SPAG17: variants seen among roughly 807,000 people sequenced by gnomAD.
SPAG17 encodes sperm associated antigen 17, also known as sperm-associated antigen 17.
Under a neutral mutation model 273.6 loss-of-function variants are expected in SPAG17, and 169 were observed. The observed-to-expected ratio is 0.62, with a 90% confidence interval of 0.55 to 0.70. The LOEUF is 0.70. Among genes scored for constraint, SPAG17 ranks in the 30% least tolerant of loss-of-function variants. SPAG17 has a pLI of 0.00. For missense variants in SPAG17, 2,557 were observed against 2,627.8 expected, an observed-to-expected ratio of 0.97 and a Z score of 0.59; for synonymous variants, 825 against 873.2, an observed-to-expected ratio of 0.94 and a Z score of 0.97.
At chr1:118,174,461 T>C (rs1210500697) in intron 1 of SPAG17, among the ~76,000 whole-genome samples, 1 of 151,974 alleles carries the variant, frequency 6.6e-6, no homozygotes, top group African/African-American at 2.4e-5. Flanking sequence ...AAGAAAAGTA[T>C]ATAGAGCAAA....
At chr1:118,034,491 C>T (rs1227938679) in intron 24 of SPAG17, among the ~76,000 whole-genome samples, 1 of 152,210 alleles carries the variant, frequency 6.6e-6, no homozygotes, top group Non-Finnish European at 1.5e-5. Context: ...TTCTCACTCA[C>T]CTCCAAAGAC....
chr1:118,030,609 A>G (rs2101879287), intron 25 of SPAG17, among the ~76,000 whole-genome samples: 1 of 152,160 alleles, frequency 6.6e-6, no homozygotes, highest in Admixed American at 6.5e-5. Flanking sequence ...ACCCCCTGAC[A>G]GGCCCCAGTG....
chr1:118,133,654 A>G (rs1658178703), intron 3 of SPAG17, among the ~76,000 whole-genome samples: 2 of 152,148 alleles, frequency 1.3e-5, no homozygotes. Flanking sequence ...CCATTGCCAC[A>G]GCCCTTGTTC....
At chr1:118,184,771 G>C (rs1661106545) in intron 1 of SPAG17, among the ~76,000 whole-genome samples, 1 of 152,186 alleles carries the variant, frequency 6.6e-6, no homozygotes, top group African/African-American at 2.4e-5. Flanking sequence ...TACAATTGTG[G>C]AGTGCCATCT....
In SPAG17 at chr1:117,984,666, T is replaced by G; in HGVS notation, c.5769+17A>C. The G allele has an allele frequency of 6.8e-7, 1 of 1,465,340 alleles. No homozygotes were observed. Among genetic ancestry groups the G allele is most frequent in the Non-Finnish European group, 9.5e-7 (1 of 1,054,534 alleles). 90.8% of individuals were successfully genotyped at this position (1,465,340 alleles called of 1,614,324 possible). A position where few individuals can be genotyped will look rare whatever the true frequency, so the allele number is the denominator to read the frequency against. On this transcript the variant is annotated intron_variant, in intron 41 of 48. Coordinates refer to ENST00000336338, the MANE Select transcript of SPAG17 (RefSeq NM_206996.4). The stretch of plus-strand genomic sequence containing the variant: ...ATAAAAACTTTTATTAGATTATAGT[T>G]CATTATATTCAATTACCTGAGACTG...
At chr1:118,138,077 T>C (rs1414368617) in intron 3 of SPAG17, among the ~76,000 whole-genome samples, 1 of 152,202 alleles carries the variant, frequency 6.6e-6, no homozygotes, top group African/African-American at 2.4e-5. Flanking sequence ...TCCTTTCCAA[T>C]ATACTCTGTC....
At chr1:117,954,604 C>A in intron 48 of SPAG17, 1 of 1,612,530 alleles carries the variant, frequency 6.2e-7, no homozygotes. Flanking sequence ...CAACCCCATC[C>A]TAATGGCTTA....
chr1:118,061,455 G>A (rs190216180), intron 18 of SPAG17, among the ~76,000 whole-genome samples: 6 of 152,288 alleles, frequency 3.9e-5, no homozygotes, highest in Non-Finnish European at 7.4e-5. Context: ...ACAAATACCG[G>A]CTGATTCCAC....
chr1:118,042,386 G>A (rs754968834), intron 20 of SPAG17, among the ~76,000 whole-genome samples: 17 of 152,106 alleles, frequency 1.1e-4, no homozygotes, highest in South Asian at 2.1e-4. Context: ...ACATGAGTCC[G>A]ATCTTTAATT....
intron 18 of SPAG17, among the ~76,000 whole-genome samples, chr1:118,064,691 C>G (rs970144056): frequency 2.0e-5 from 3 of 150,704 alleles, no homozygotes; most frequent in African/African-American, 7.3e-5. Context: ...ACATATGTAA[C>G]AAACCTGCAC....
At chr1:118,036,245 G>T (rs1649059820) in intron 24 of SPAG17, among the ~76,000 whole-genome samples, 1 of 151,500 alleles carries the variant, frequency 6.6e-6, no homozygotes, top group Non-Finnish European at 1.5e-5. Flanking sequence ...GAAGGAAGTG[G>T]GGTACAGAAA....
chr1:118,042,678 C>T (rs1442007791), intron 20 of SPAG17, among the ~76,000 whole-genome samples: 1 of 152,118 alleles, frequency 6.6e-6, no homozygotes, highest in Non-Finnish European at 1.5e-5. Flanking sequence ...AGGAAATATC[C>T]TCTCCTAGGG....
intron 27 of SPAG17, among the ~76,000 whole-genome samples, chr1:118,024,143 C>T (rs1647451638): frequency 6.6e-6 from 1 of 151,864 alleles, no homozygotes; most frequent in African/African-American, 2.4e-5. Context: ...ATTCGGTTGC[C>T]CTGTTTAATC....
intron 20 of SPAG17, among the ~76,000 whole-genome samples, chr1:118,052,697 T>C (rs144393266): frequency 4.8e-4 from 73 of 152,062 alleles, no homozygotes; most frequent in African/African-American, 1.7e-3. Context: ...AAATAAGTAA[T>C]AAAAATATGT....
intron 5 of SPAG17, among the ~76,000 whole-genome samples, chr1:118,100,623 C>T (rs1656005410): frequency 2.0e-5 from 3 of 152,010 alleles, no homozygotes; most frequent in Non-Finnish European, 4.4e-5. Flanking sequence ...TTGATATTGC[C>T]CATGGACTTC....
Position 117,956,317 on chromosome 1 carries a change from A to G in SPAG17, c.*1-2268T>C, listed in dbSNP as rs372663754. On this transcript the variant is annotated intron_variant, in intron 48 of 48. Transcript: ENST00000336338. ...GTCATACATTTTTGCAATAATTGTT[A>G]TATTATTTGTGATTTTCCTTTTGAT... 2.4e-4 allele frequency among the ~76,000 whole-genome samples: 37 copies of G among 152,248 alleles called. No individual in the cohort carries two copies. The East Asian group carries it at 5.6e-3, about 23-fold the overall frequency.
intron 4 of SPAG17, among the ~76,000 whole-genome samples, chr1:118,114,396 G>A (rs1656946387): frequency 6.6e-6 from 1 of 152,152 alleles, no homozygotes; most frequent in Non-Finnish European, 1.5e-5. Flanking sequence ...ACCTTGTTGA[G>A]GGGCCAATTC....
At chr1:117,966,473 C>T in intron 47 of SPAG17, 136 bp downstream of exon 47, 2 of 900,734 alleles carry the variant, frequency 2.2e-6, no homozygotes, top group Admixed American at 3.2e-5. Context: ...TGAAGATGCT[C>T]TTTGTCTTAA....
intron 48 of SPAG17, chr1:117,959,468 T>C: frequency 6.4e-7 from 1 of 1,567,060 alleles, no homozygotes; most frequent in Non-Finnish European, 8.6e-7. Context: ...TGGTATCTTT[T>C]TTTTTTTCAA....
Sources: gnomAD v4.1 joint callset for allele counts (sites outside exome capture counted in the v4.1 genomes callset) on GRCh38, gnomAD v4.1.1 for gene constraint, MANE v1.5 for transcripts, NCBI Gene and HGNC (gene_info 2026-07-23, HGNC 2026-07-21) for gene names.